LTBP4: variants seen among roughly 807,000 people sequenced by gnomAD.
LTBP4 encodes latent-transforming growth factor beta-binding protein 4.
In LTBP4, 93 loss-of-function variants were observed where a neutral mutation model predicts 180.2. The ratio of observed to expected loss-of-function variants is 0.52; its 90% confidence interval spans 0.44 to 0.61. The LOEUF is 0.61. LTBP4 is among the 20% of genes least tolerant of loss of function. LTBP4 has a pLI of 0.00. For synonymous variants in LTBP4, 947 were observed against 934.5 expected, an observed-to-expected ratio of 1.01 and a Z score of -0.24; for missense variants, 2,116 against 2,256.5, an observed-to-expected ratio of 0.94 and a Z score of 1.26.
At chr19:40,597,414 C>G, upstream of LTBP4, 1 of 1,480,582 alleles carries the variant, frequency 6.8e-7, no homozygotes. Flanking sequence ...CCCTTCCACC[C>G]AATAAGTCTG....
chr19:40,602,479 G>A (rs1380395674), intron 1 of LTBP4, among the ~76,000 whole-genome samples: 3 of 152,020 alleles, frequency 2.0e-5, no homozygotes, highest in Admixed American at 6.5e-5. Flanking sequence ...CCCCTGGAGC[G>A]GAGAACTCGC....
Position 40,605,294 on chromosome 19 carries a change from T to C in LTBP4, c.442+68T>C. The C allele has an allele frequency of 6.4e-7, 1 of 1,559,108 alleles. No individual in the cohort carries two copies. Among genetic ancestry groups the C allele is most frequent in the Non-Finnish European group, 8.7e-7 (1 of 1,150,422 alleles). On this transcript the variant is annotated intron_variant, in intron 2 of 29. Transcript: ENST00000396819. This position sits in a 1 kb window ranked among gnomAD's most constrained non-coding sequence, Gnocchi z 5.5. ...CATTTCACTTTGCCCCTGACCCTCATATTTCCCGCCTTCCCGAGCACCTTT... is the reference window on the plus strand; with the variant it reads ...CATTTCACTTTGCCCCTGACCCTCACATTTCCCGCCTTCCCGAGCACCTTT...
At position 40,622,756 on chromosome 19, in the gene LTBP4, A is replaced by G. The variant is rs1010217187; in HGVS notation, c.3484+89A>G. The G allele has an allele frequency of 3.4e-6, 5 of 1,485,270 alleles. No homozygotes were observed. The highest frequency in any genetic ancestry group is 1.4e-5 in the African/African-American group (1 of 72,558). The allele number at this position is 1,485,270 out of a possible 1,614,324, so 92.0% of individuals were successfully genotyped here. ...GGCCTGGGACAGGGGACACTTTTGG[A>G]CAGGGCCTTGAGGTACTAGTACTGT... On this transcript the variant is annotated intron_variant, in intron 23 of 29. Coordinates refer to ENST00000396819, the MANE Select transcript of LTBP4 (RefSeq NM_001042545.2). The surrounding 1 kb of genome is among the most constrained non-coding windows in gnomAD (Gnocchi z 5.1).
At chr19:40,608,192 T>G in intron 7 of LTBP4, 28 bp from the exon 8 acceptor site, 1 of 1,613,392 alleles carries the variant, frequency 6.2e-7, no homozygotes, top group Non-Finnish European at 8.5e-7. Context: ...TCTCTTGTCC[T>G]CTCTCTGTCT....
At chr19:40,598,059 G>A (rs112173634), upstream of LTBP4, among the ~76,000 whole-genome samples, 112 of 152,212 alleles carry the variant, frequency 7.4e-4, 2 homozygotes, top group African/African-American at 2.6e-3. Context: ...GGGGGCTATA[G>A]GCGCCCTTCC....
chr19:40,612,115 A>C lies in LTBP4; in HGVS notation c.2222A>C (p.Glu741Ala). 1 of 1,613,628 alleles carries C rather than the reference A, an allele frequency of 6.2e-7. No homozygotes were observed. The change falls in exon 15 of 30, where the codon GAG becomes GCG. Residue 741 changes from glutamate to alanine, a missense_variant. Glu to Ala is a moderately radical substitution (Grantham distance 107, BLOSUM62 -1). This residue lies in a region of LTBP4 where 877 missense variants were observed against 873.6 expected (regional missense o/e 1.00). Transcript: ENST00000396819. ...AACCACCTCGCATGCCCTGGGCAGG[A>C]GTGTGTGAACTCGCCCGGCTCCTTC... The part of the protein sequence containing the change: ...CENHLACPGQ[E>A]CVNSPGSFQC...
chr19:40,614,643 C>T (rs528307954), intron 19 of LTBP4, among the ~76,000 whole-genome samples, 197 bp downstream of exon 19: 1 of 152,354 alleles, frequency 6.6e-6, no homozygotes, highest in Admixed American at 6.5e-5. Context: ...GGCCAAGCCT[C>T]CCTTCCAGCC....
Position 40,611,642 on chromosome 19 carries a change from G to A in LTBP4, c.2054-217G>A, listed in dbSNP as rs1366097970. Among the ~76,000 whole-genome samples, 1 of 152,182 alleles carries A rather than the reference G, an allele frequency of 6.6e-6. No individual in the cohort carries two copies. The highest frequency in any genetic ancestry group is 6.5e-5 in the Admixed American group (1 of 15,292). On this transcript the variant is annotated intron_variant, in intron 13 of 29. Coordinates refer to ENST00000396819, the MANE Select transcript of LTBP4 (RefSeq NM_001042545.2). This position sits in a 1 kb window ranked among gnomAD's most constrained non-coding sequence, Gnocchi z 4.4. ...TGAGGAGGGGGTCACCTGAGGCAGG[G>A]CAGGCAACATGGAGTTGGTGCCTTA...
At position 40,625,281 on chromosome 19, in the gene LTBP4, TATATATATATATATATATATATA is replaced by T. The variant is rs2081619997; in HGVS notation, c.3833-575_3833-553del. 1.1e-3 allele frequency among the ~76,000 whole-genome samples: 11 copies of T among 9,808 alleles called. 1 individual carries two copies. Among genetic ancestry groups the T allele is most frequent in the African/African-American group, 3.9e-3 (4 of 1,034 alleles). 6.4% of individuals were successfully genotyped at this position (9,808 alleles called of 152,430 possible). A position where few individuals can be genotyped will look rare whatever the true frequency, so the allele number is the denominator to read the frequency against. On this transcript the variant is annotated intron_variant, in intron 26 of 29. Transcript: ENST00000396819. ...ATATATATATATATATATATATATA[TATATATATATATATATATATATA>T]TATATATATATATTTTTTTTTTTAA...
chr19:40,612,336 C>T, intron 15 of LTBP4, 144 bp downstream of exon 15: 2 of 1,145,720 alleles, frequency 1.7e-6, no homozygotes, highest in Non-Finnish European at 2.4e-6. Context: ...TGACCCTGAC[C>T]TGGACCACAA....
intron 1 of LTBP4, among the ~76,000 whole-genome samples, chr19:40,602,157 G>A (rs1323731623): frequency 7.1e-6 from 1 of 141,624 alleles, no homozygotes; most frequent in Non-Finnish European, 1.5e-5. Flanking sequence ...GTGTGTGTGT[G>A]TGTGTGTGTG....
In LTBP4 at chr19:40,611,821, G is replaced by T. The variant is rs768594117; in HGVS notation, c.2054-38G>T. On this transcript the variant is annotated intron_variant, in intron 13 of 29. Transcript: ENST00000396819. This position sits in a 1 kb window ranked among gnomAD's most constrained non-coding sequence, Gnocchi z 4.4. ...GGTGATGGCCATGGGAATGGATTCA[G>T]GCCCCTTCCTCAGCCTCATTGGTCC... The T allele has an allele frequency of 6.3e-7, 1 of 1,587,948 alleles. No homozygotes were observed. Among genetic ancestry groups the T allele is most frequent in the South Asian group, 1.1e-5 (1 of 87,254 alleles).
chr19:40,619,620 A>G (rs2081572705), intron 22 of LTBP4, 127 bp downstream of exon 22: 1 of 1,005,918 alleles, frequency 9.9e-7, no homozygotes, highest in East Asian at 2.7e-5. Flanking sequence ...AACAAAAGAC[A>G]CATAAGTTAA....
chr19:40,629,629 A>T lies in LTBP4; in HGVS notation c.*79A>T. 7.7e-7 allele frequency: 1 copy of T among 1,291,010 alleles called. No homozygotes were observed. The highest frequency in any genetic ancestry group is 9.9e-7 in the Non-Finnish European group (1 of 1,014,408). 80.0% of individuals were successfully genotyped at this position (1,291,010 alleles called of 1,614,324 possible). On this transcript the variant is annotated 3_prime_UTR_variant, in exon 30 of 30. Transcript: ENST00000396819. This position sits in a 1 kb window ranked among gnomAD's most constrained non-coding sequence, Gnocchi z 4.5. Reference sequence around the variant, plus strand: ...CGCATCCTGCAGCCCGCTTATGCGTATGTGCACGGGGCCGCCCGCCTGGAC... The same window carrying T: ...CGCATCCTGCAGCCCGCTTATGCGTTTGTGCACGGGGCCGCCCGCCTGGAC...
Position 40,613,303 on chromosome 19 carries a change from TAG to T in LTBP4, c.2432-99_2432-98del, listed in dbSNP as rs2081521330. 7.8e-6 allele frequency: 12 copies of T among 1,547,576 alleles called. No individual in the cohort carries two copies. Among genetic ancestry groups the T allele is most frequent in the Non-Finnish European group, 1.0e-5 (12 of 1,144,400 alleles). ...GGACCAAGGCGCTGTGGGAGGAGCT[TAG>T]AAACCTGGCATTGGTGGGGGCGGGG... On this transcript the variant is annotated intron_variant, in intron 16 of 29. Coordinates refer to ENST00000396819, the MANE Select transcript of LTBP4 (RefSeq NM_001042545.2). This position sits in a 1 kb window ranked among gnomAD's most constrained non-coding sequence, Gnocchi z 5.0.
intron 4 of LTBP4, 102 bp from the exon 5 acceptor site, chr19:40,606,131 C>A: frequency 5.4e-6 from 6 of 1,108,864 alleles, no homozygotes; most frequent in Admixed American, 2.0e-5. Context: ...ACTTAAACTA[C>A]AGCCAACATC....
Position 40,611,256 on chromosome 19 carries a change from G to A in LTBP4, c.1915G>A (p.Ala639Thr). The A allele has an allele frequency of 6.2e-7, 1 of 1,612,964 alleles. No homozygotes were observed. Residue 639 changes from alanine (A) to threonine (T), a missense_variant, in exon 13 of 30, where the codon GCG becomes ACG. This residue lies in a region of LTBP4 where 877 missense variants were observed against 873.6 expected (regional missense o/e 1.00). Transcript: ENST00000396819. The surrounding 1 kb of genome is among the most constrained non-coding windows in gnomAD (Gnocchi z 4.4). ...TTGCCCGGCTGGCTTCCGGGGCTCG[G>A]CGTGTGAAGAGGATGTGGATGAGTG... ...CVCPAGFRGS[A>T]CEEDVDECAQ...
chr19:40,623,610 A>G lies in LTBP4; in HGVS notation c.3563A>G (p.Asp1188Gly). ...CTCTCTGCTTTTCGCACAGACGTGG[A>G]CGAATGTCAGCTCTTCCGAGACCAG... ...SGDLSLRRDV[D>G]ECQLFRDQVC... is the part of the protein sequence containing the mutation. Residue 1188 changes from aspartate to glycine, a missense_variant, in exon 25 of 30, where the codon GAC becomes GGC. Around this residue, in one of 5 missense-constraint regions of LTBP4, gnomAD observed 278 missense variants for 373.0 expected, o/e 0.75. Coordinates refer to ENST00000396819, the MANE Select transcript of LTBP4 (RefSeq NM_001042545.2). 6.2e-7 allele frequency: 1 copy of G among 1,613,248 alleles called. No individual in the cohort carries two copies. Among genetic ancestry groups the G allele is most frequent in the Non-Finnish European group, 8.5e-7 (1 of 1,179,704 alleles).
Position 40,611,208 on chromosome 19 carries a change from C to T in LTBP4, c.1867C>T (p.Leu623=), listed in dbSNP as rs2081503216. The change falls in exon 13 of 30, where the codon CTG becomes TTG. Residue 623 remains leucine, a synonymous_variant. Transcript: ENST00000396819. This position sits in a 1 kb window ranked among gnomAD's most constrained non-coding sequence, Gnocchi z 4.4. ...GTGTGGCCGAGGGGCCTGCAAGAAC[C>T]TGCCTGGCTCTTTCCGCTGTGTTTG... The part of the protein sequence containing the change: ...GLCGRGACKN[L]PGSFRCVCPA... 6.2e-7 allele frequency: 1 copy of T among 1,613,836 alleles called. No individual in the cohort carries two copies. The highest frequency in any genetic ancestry group is 1.1e-5 in the South Asian group (1 of 91,074).
Sources: allele counts gnomAD v4.1 joint callset (sites outside exome capture counted in the v4.1 genomes callset), GRCh38; gene constraint gnomAD v4.1.1; regional missense constraint gnomAD v4.1.1; non-coding constraint Gnocchi (gnomAD v3.1); transcripts MANE v1.5; gene names NCBI Gene and HGNC (gene_info 2026-07-23, HGNC 2026-07-21).